The following CACTIN variants were observed in gnomAD, a reference collection of about 807,000 sequenced individuals.
The protein encoded by CACTIN is splicing factor Cactin.
Under a neutral mutation model 84.9 loss-of-function variants are expected in CACTIN, and 20 were observed. That is an observed-to-expected ratio of 0.24 (90% CI 0.17 to 0.34). The LOEUF (loss-of-function observed/expected upper bound fraction) is 0.34. Among genes scored for constraint, CACTIN ranks in the 10% least tolerant of loss-of-function variants. The probability of loss-of-function intolerance (pLI) is 1.00; values close to 1 mark genes in which losing one functional copy is unlikely to be tolerated. For missense variants in CACTIN, 897 were observed against 1,117.2 expected, an observed-to-expected ratio of 0.80 and a Z score of 2.81; for synonymous variants, 549 against 467.9, an observed-to-expected ratio of 1.17 and a Z score of -2.24.
At position 3,625,980 on chromosome 19, in the gene CACTIN, T is replaced by G. The variant is rs549980989; in HGVS notation, c.167+616A>C. ...GGCACTAGGAATCAGCTGTGAGTCC[T>G]GCCAGCTGACACCGAGTCTTTTTCC... On this transcript the variant is annotated intron_variant, in intron 1 of 9. Transcript: ENST00000429344. Among the ~76,000 whole-genome samples the G allele has an allele frequency of 1.4e-4, 21 of 152,344 alleles. No individual in the cohort carries two copies. In the East Asian group the frequency reaches 4.0e-3, roughly 29 times the overall value.
chr19:3,613,634 C>T (rs2033032910), intron 7 of CACTIN, 48 bp from the exon 8 acceptor site: 5 of 1,557,706 alleles, frequency 3.2e-6, no homozygotes, highest in South Asian at 1.2e-5. Flanking sequence ...AGGGGCTCCG[C>T]GCCCCACCCC....
At chr19:3,614,931 C>G in intron 6 of CACTIN, 1 of 390,470 alleles carries the variant, frequency 2.6e-6, no homozygotes, top group Non-Finnish European at 4.9e-6. Context: ...AGTTGTGGGC[C>G]CGGCCCACCA....
chr19:3,618,424 A>C (rs1484426023), intron 6 of CACTIN, among the ~76,000 whole-genome samples: 1 of 150,020 alleles, frequency 6.7e-6, no homozygotes, highest in Non-Finnish European at 1.5e-5. Context: ...AACCACACGG[A>C]GGGGGGGGAA....
chr19:3,620,559 G>C, intron 3 of CACTIN, 148 bp downstream of exon 3: 1 of 673,710 alleles, frequency 1.5e-6, no homozygotes, highest in Non-Finnish European at 2.5e-6. Flanking sequence ...CAGTTTCCTG[G>C]GGCCATGGTC....
chr19:3,626,700 A>C lies in CACTIN; in HGVS notation c.63T>G (p.Ser21Arg). ...TGCTCCGACTTCGGCTCCCGCTCTG[A>C]CTCTGCCGCCTTCGGCCCCGGCGAC... ...SAGRRGRRRQSQSGSRSRSRS... is the reference protein window; with the variant it reads ...SAGRRGRRRQRQSGSRSRSRS... The change falls in exon 1 of 10, where the codon AGT becomes AGG. Residue 21 changes from serine to arginine, a missense_variant. Physicochemically the swap from Ser to Arg is moderately radical, Grantham distance 110. Transcript: ENST00000429344. 6.6e-7 allele frequency: 1 copy of C among 1,506,914 alleles called. No individual in the cohort carries two copies. 93.3% of individuals were successfully genotyped at this position (1,506,914 alleles called of 1,614,324 possible).
At chr19:3,625,747 A>C (rs1227825866) in intron 1 of CACTIN, among the ~76,000 whole-genome samples, 1 of 152,210 alleles carries the variant, frequency 6.6e-6, no homozygotes, top group Non-Finnish European at 1.5e-5. Flanking sequence ...AAACAAAAAA[A>C]CCAACAACCG....
intron 6 of CACTIN, among the ~76,000 whole-genome samples, chr19:3,617,075 C>T (rs889804297): frequency 3.3e-5 from 5 of 152,062 alleles, no homozygotes; most frequent in Admixed American, 2.6e-4. Flanking sequence ...GAGCAGAGAT[C>T]GCACCACTGC....
chr19:3,621,475 G>A (rs1256736090), intron 2 of CACTIN, among the ~76,000 whole-genome samples: 1 of 152,202 alleles, frequency 6.6e-6, no homozygotes, highest in African/African-American at 2.4e-5. Flanking sequence ...AACCCCTGCC[G>A]CCCAGAACTT....
At chr19:3,617,908 A>C (rs11085028) in intron 6 of CACTIN, among the ~76,000 whole-genome samples, 77,222 of 152,022 alleles carry the variant, frequency 0.51, 20,573 homozygotes, top group Admixed American at 0.59. Flanking sequence ...GGGGAACACA[A>C]AGCTCCACTG....
rs147104827 is a variant in CACTIN at position 3,624,927 on chromosome 19, C to T, written c.168-765G>A. Among the ~76,000 whole-genome samples, 298 of 151,636 alleles carry T rather than the reference C, an allele frequency of 2.0e-3. 1 individual carries two copies. The highest frequency in any genetic ancestry group is 6.4e-3 in the African/African-American group (260 of 40,924). On this transcript the variant is annotated intron_variant, in intron 1 of 9. Coordinates refer to ENST00000429344, the MANE Select transcript of CACTIN (RefSeq NM_001080543.2). ...TTTTTATTTATTAGAGACAGAGTCT[C>T]CCTCTGTCACACAGGCTGGAGTGCA...
intron 6 of CACTIN, among the ~76,000 whole-genome samples, chr19:3,617,664 A>G (rs897489257): frequency 6.6e-6 from 1 of 152,196 alleles, no homozygotes; most frequent in Non-Finnish European, 1.5e-5. Context: ...AACGCTGGAA[A>G]CGCCTCCCAG....
chr19:3,617,358 CA>C (rs1445711929), intron 6 of CACTIN, among the ~76,000 whole-genome samples: 2 of 152,230 alleles, frequency 1.3e-5, no homozygotes, highest in Non-Finnish European at 2.9e-5. Context: ...TCCAGGGGGA[CA>C]GCAAAGTCAA....
chr19:3,620,158 C>T lies in CACTIN; in HGVS notation c.853G>A (p.Asp285Asn), dbSNP rs746170233. Residue 285 changes from aspartate to asparagine, a missense_variant, in exon 4 of 10, where the codon GAC becomes AAC. Physicochemically the swap from Asp to Asn is conservative, Grantham distance 23 (BLOSUM62 1). Around this residue, in one of 8 missense-constraint regions of CACTIN, gnomAD observed 304 missense variants for 444.3 expected, o/e 0.68. Coordinates refer to ENST00000429344, the MANE Select transcript of CACTIN (RefSeq NM_001080543.2). ...EHFKTWEEQE[D>N]NFHLQQAKLR... ...TTGGCCTGCTGGAGGTGGAAGTTGTCCTCCTGCTCCTCCCATGTCTTGAAG... is the reference window on the plus strand; with the variant it reads ...TTGGCCTGCTGGAGGTGGAAGTTGTTCTCCTGCTCCTCCCATGTCTTGAAG... 6.2e-7 allele frequency: 1 copy of T among 1,611,854 alleles called. No homozygotes were observed.
intron 2 of CACTIN, among the ~76,000 whole-genome samples, chr19:3,621,516 G>C (rs1286677013): frequency 6.6e-6 from 1 of 152,182 alleles, no homozygotes; most frequent in East Asian, 1.9e-4. Flanking sequence ...CCTGGCTGGG[G>C]ACCACCCCCA....
chr19:3,612,533 GAGCTA>G, intron 9 of CACTIN, 120 bp from the exon 10 acceptor site: 1 of 1,388,566 alleles, frequency 7.2e-7, no homozygotes, highest in South Asian at 1.5e-5. Flanking sequence ...AGGCTGGGGC[GAGCTA>G]AGGCACATGG....
intron 3 of CACTIN, 164 bp from the exon 4 acceptor site, chr19:3,620,436 C>T (rs1490098504): frequency 1.2e-6 from 1 of 845,740 alleles, no homozygotes; most frequent in Non-Finnish European, 1.9e-6. Flanking sequence ...AGGGAGAGGG[C>T]CCTCCTGCCC....
At position 3,612,121 on chromosome 19, in the gene CACTIN, C is replaced by G. The variant is rs779630431; in HGVS notation, c.2079G>C (p.Glu693Asp). 6.2e-7 allele frequency: 1 copy of G among 1,613,806 alleles called. No homozygotes were observed. Among genetic ancestry groups the G allele is most frequent in the South Asian group, 1.1e-5 (1 of 91,092 alleles). Residue 693 changes from glutamate (E) to aspartate (D), a missense_variant, in exon 10 of 10, where the codon GAG (glutamate) becomes GAC (aspartate). Glu to Asp is a conservative substitution (Grantham distance 45). Transcript: ENST00000429344. ...TGTCGGCGCAGGCCTCCAGGAAGTA[C>G]TCGGGCGTGGAGCGCTTGTCGATGA... ...PDLIDKRSTP[E>D]YFLEACADNK...
intron 7 of CACTIN, 81 bp from the exon 8 acceptor site, chr19:3,613,667 A>T: frequency 6.6e-7 from 1 of 1,516,768 alleles, no homozygotes; most frequent in South Asian, 1.2e-5. Context: ...CACGCCCCTT[A>T]TTGCTGCAAG....
intron 2 of CACTIN, among the ~76,000 whole-genome samples, chr19:3,622,011 T>A (rs1295954584): frequency 2.6e-5 from 4 of 152,134 alleles, no homozygotes; most frequent in African/African-American, 9.7e-5. Context: ...TCAGATGAGC[T>A]GTGTCCCCCA....
Sources: gnomAD v4.1 joint callset for allele counts (sites outside exome capture counted in the v4.1 genomes callset) on GRCh38, gnomAD v4.1.1 for gene constraint, gnomAD v4.1.1 regional missense constraint, MANE v1.5 for transcripts, NCBI Gene and HGNC (gene_info 2026-07-23, HGNC 2026-07-21) for gene names.